The following RPRD2 variants were observed in gnomAD, a reference collection of about 807,000 sequenced individuals.
RPRD2 encodes regulation of nuclear pre-mRNA domain containing 2.
Under a neutral mutation model 104.4 loss-of-function variants are expected in RPRD2, and 12 were observed. That is an observed-to-expected ratio of 0.11 (90% CI 0.07 to 0.19). RPRD2 has a LOEUF of 0.19. Ranked by LOEUF, RPRD2 falls within the 10% of genes least tolerant of loss-of-function variation. The pLI is 1.00. For missense variants in RPRD2, 1,543 were observed against 1,790.1 expected (o/e 0.86, Z 2.49); for synonymous variants, 714 against 684.9 (o/e 1.04, Z -0.66).
chr1:150,447,404 G>A lies in RPRD2; in HGVS notation c.870+1003G>A, dbSNP rs587743384. Among the ~76,000 whole-genome samples the A allele has an allele frequency of 4.7e-5, 7 of 148,068 alleles. No homozygotes were observed. In the East Asian group the frequency reaches 1.0e-3, roughly 21 times the overall value. On this transcript the variant is annotated intron_variant, in intron 7 of 10. Coordinates refer to ENST00000369068, the MANE Select transcript of RPRD2 (RefSeq NM_015203.5). The stretch of plus-strand genomic sequence containing the variant: ...GGCTGGAGTGTAATGGCGTGATCTC[G>A]GCTCACTTCAACCTCCGCCTCCTGG...
chr1:150,413,537 A>T (rs1664098315), intron 1 of RPRD2, among the ~76,000 whole-genome samples: 1 of 151,894 alleles, frequency 6.6e-6, no homozygotes, highest in African/African-American at 2.4e-5. Flanking sequence ...TGGGAGGCAG[A>T]GGTTGCGGTA....
intron 1 of RPRD2, among the ~76,000 whole-genome samples, chr1:150,404,779 A>G (rs1315022911): frequency 6.6e-6 from 1 of 152,018 alleles, no homozygotes; most frequent in Admixed American, 6.6e-5. Flanking sequence ...CTCGTCACAT[A>G]TTTTTTAAAA....
At chr1:150,440,584 C>G (rs1666351344) in intron 2 of RPRD2, among the ~76,000 whole-genome samples, 1 of 152,156 alleles carries the variant, frequency 6.6e-6, no homozygotes, top group African/African-American at 2.4e-5. Flanking sequence ...ACCTTGTCTT[C>G]TCATTCAGTA....
At chr1:150,436,476 C>T (rs1334808504) in intron 2 of RPRD2, among the ~76,000 whole-genome samples, 3 of 152,022 alleles carry the variant, frequency 2.0e-5, no homozygotes, top group Non-Finnish European at 4.4e-5. Context: ...TGGCAGGCGT[C>T]TGTAGTCCCA....
chr1:150,370,975 CTT>C (rs1346016597), intron 1 of RPRD2, among the ~76,000 whole-genome samples: 3 of 152,176 alleles, frequency 2.0e-5, no homozygotes, highest in African/African-American at 4.8e-5. Flanking sequence ...ACATAACAGT[CTT>C]TTTTCACCTA....
At chr1:150,413,000 A>G (rs115988403) in intron 1 of RPRD2, among the ~76,000 whole-genome samples, 3,060 of 144,590 alleles carry the variant, frequency 0.021, 127 homozygotes, top group African/African-American at 0.076. Flanking sequence ...GGAAGATAAA[A>G]AAAAGAAAAG....
intron 10 of RPRD2, among the ~76,000 whole-genome samples, chr1:150,467,705 AC>A (rs1668370645): frequency 6.6e-6 from 1 of 152,184 alleles, no homozygotes; most frequent in Admixed American, 6.5e-5. Flanking sequence ...CAAAATTTGA[AC>A]AGAACTAGGT....
chr1:150,407,066 C>T (rs34247601), intron 1 of RPRD2, among the ~76,000 whole-genome samples: 1 of 152,068 alleles, frequency 6.6e-6, no homozygotes, highest in African/African-American at 2.4e-5. Context: ...ATGTACATCT[C>T]TTGATGTCTC....
At chr1:150,460,383 G>A in intron 9 of RPRD2, 66 bp downstream of exon 9, 1 of 1,426,582 alleles carries the variant, frequency 7.0e-7, no homozygotes, top group Non-Finnish European at 9.5e-7. Context: ...TCATTAATCT[G>A]TTTTTGGGGG....
rs1659667810 is a variant in RPRD2, at chr1:150,364,462, C to T, written c.-253C>T. 6.6e-6 allele frequency among the ~76,000 whole-genome samples: 1 copy of T among 152,020 alleles called. No individual in the cohort carries two copies. Among genetic ancestry groups the T allele is most frequent in the Non-Finnish European group, 1.5e-5 (1 of 68,000 alleles). ...GATTACTGACTGGTTTAAACACGACCCCTTGAACAATATTGATAAAACCTC... is the reference window on the plus strand; with the variant it reads ...GATTACTGACTGGTTTAAACACGACTCCTTGAACAATATTGATAAAACCTC... On this transcript the variant is annotated 5_prime_UTR_variant, in exon 1 of 11. Coordinates refer to ENST00000369068, the MANE Select transcript of RPRD2 (RefSeq NM_015203.5).
chr1:150,452,121 A>G, intron 7 of RPRD2, among the ~76,000 whole-genome samples: 1 of 146,210 alleles, frequency 6.8e-6, no homozygotes. Context: ...CAGCCTGGGC[A>G]AGAGAGCAAG....
At chr1:150,372,927 A>G (rs1660425009) in intron 1 of RPRD2, among the ~76,000 whole-genome samples, 2 of 152,076 alleles carry the variant, frequency 1.3e-5, no homozygotes, top group African/African-American at 4.8e-5. Context: ...AATGGGATTC[A>G]CCAAGGGTTT....
At chr1:150,390,164 C>A (rs1195699679) in intron 1 of RPRD2, among the ~76,000 whole-genome samples, 1 of 151,966 alleles carries the variant, frequency 6.6e-6, no homozygotes, top group Non-Finnish European at 1.5e-5. Flanking sequence ...AAACAAACCC[C>A]AAAGACTTAA....
At chr1:150,460,761 T>C (rs1205791091) in intron 9 of RPRD2, among the ~76,000 whole-genome samples, 1 of 148,504 alleles carries the variant, frequency 6.7e-6, no homozygotes, top group Non-Finnish European at 1.5e-5. Flanking sequence ...GGAGTTTCAG[T>C]CATGTTACCT....
chr1:150,448,923 C>CA (rs1464140842), intron 7 of RPRD2, among the ~76,000 whole-genome samples: 11 of 150,340 alleles, frequency 7.3e-5, no homozygotes, highest in South Asian at 6.3e-4. Flanking sequence ...AGTAATTTCC[C>CA]AAAAAAAAAG....
intron 1 of RPRD2, among the ~76,000 whole-genome samples, chr1:150,387,567 CTTTTTTTTTTTTTTTTTTTTTTTTTTTTT>C (rs562476167): frequency 1.4e-5 from 1 of 73,744 alleles, no homozygotes; most frequent in Admixed American, 2.0e-4. Context: ...TGCAACAGAC[CTTTTTTTTTTTTTTTTTTTTTTTTTTTTT>C]TTTTTTTTTT....
intron 1 of RPRD2, among the ~76,000 whole-genome samples, chr1:150,368,141 T>C (rs1326816600): frequency 1.3e-5 from 2 of 151,724 alleles, no homozygotes; most frequent in Non-Finnish European, 2.9e-5. Context: ...CTCCTTCTCA[T>C]TGTTTAGATC....
At chr1:150,439,702 T>C (rs1239467487) in intron 2 of RPRD2, among the ~76,000 whole-genome samples, 1 of 151,834 alleles carries the variant, frequency 6.6e-6, no homozygotes, top group Non-Finnish European at 1.5e-5. Context: ...TCCTGTTTTG[T>C]CTTTTGATAG....
At chr1:150,384,605 G>T (rs957171503) in intron 1 of RPRD2, among the ~76,000 whole-genome samples, 6 of 150,736 alleles carry the variant, frequency 4.0e-5, no homozygotes, top group African/African-American at 1.5e-4. Flanking sequence ...CAAGTAGTTG[G>T]GATTACAGGC....
Sources: gnomAD v4.1 joint callset for allele counts (sites outside exome capture counted in the v4.1 genomes callset) on GRCh38, gnomAD v4.1.1 for gene constraint, MANE v1.5 for transcripts, NCBI Gene and HGNC (gene_info 2026-07-23, HGNC 2026-07-21) for gene names.